Variants in LRRTM2 observed in about 807,000 individuals in gnomAD.
LRRTM2 encodes leucine rich repeat transmembrane neuronal 2.
Under a neutral mutation model 40.7 loss-of-function variants are expected in LRRTM2, and 14 were observed. That is an observed-to-expected ratio of 0.34 (90% confidence interval 0.23 to 0.54). The LOEUF (loss-of-function observed/expected upper bound fraction) is 0.54, where lower values mean the gene tolerates loss of function less well. Among genes scored for constraint, LRRTM2 ranks in the 20% least tolerant of loss-of-function variants. The pLI is 0.92. For synonymous variants in LRRTM2, 223 were observed against 237.6 expected, an observed-to-expected ratio of 0.94 and a Z score of 0.57; for missense variants, 468 against 624.4, an observed-to-expected ratio of 0.75 and a Z score of 2.67.
Position 138,872,927 on chromosome 5 carries a change from T to C in LRRTM2, c.*83A>G. On this transcript the variant is annotated 3_prime_UTR_variant, in exon 2 of 2. Transcript: ENST00000274711. ...TGGAAAATTAGGCTTAATGTCACCA[T>C]TGGTAAAAATTAGATATGTATTTAG... 1 of 964,086 alleles carries C rather than the reference T, an allele frequency of 1.0e-6. No individual in the cohort carries two copies. Among genetic ancestry groups the C allele is most frequent in the East Asian group, 2.5e-5 (1 of 39,374 alleles). 59.7% of individuals were successfully genotyped at this position (964,086 alleles called of 1,614,324 possible).
rs776084879 is a variant in LRRTM2, at chr5:138,872,700, T to C, written c.*310A>G. 1 of 204,614 alleles carries C rather than the reference T, an allele frequency of 4.9e-6. No homozygotes were observed. The highest frequency in any genetic ancestry group is 9.8e-6 in the Non-Finnish European group (1 of 101,848). The allele number at this position is 204,614 out of a possible 1,614,324, so 12.7% of individuals were successfully genotyped here. ...CTAAATTGTTTTCAGTAGAAAAAAATAGTATATGGAGACCTTAGTGTAAAG... is the reference window on the plus strand; with the variant it reads ...CTAAATTGTTTTCAGTAGAAAAAAACAGTATATGGAGACCTTAGTGTAAAG... On this transcript the variant is annotated 3_prime_UTR_variant, in exon 2 of 2. Transcript: ENST00000274711.
Position 138,872,252 on chromosome 5 carries a change from T to C in LRRTM2, c.*758A>G, listed in dbSNP as rs938616167. The C allele has an allele frequency of 6.6e-6, 1 of 152,666 alleles. No individual in the cohort carries two copies. Among genetic ancestry groups the C allele is most frequent in the African/African-American group, 2.4e-5 (1 of 41,458 alleles). The allele number at this position is 152,666 out of a possible 1,614,324, so 9.5% of individuals were successfully genotyped here. ...AGTTGTCTAAATGCCACAAAAATCA[T>C]GTCCATTATAAGTCAAACGAGAAAT... is the stretch of plus-strand genomic sequence containing the variant. On this transcript the variant is annotated 3_prime_UTR_variant, in exon 2 of 2. Coordinates refer to ENST00000274711, the MANE Select transcript of LRRTM2 (RefSeq NM_015564.3).
In LRRTM2 at chr5:138,871,727, A is replaced by G. The variant is rs1750646312; in HGVS notation, c.*1283T>C. 6.6e-6 allele frequency: 1 copy of G among 152,088 alleles called. No individual in the cohort carries two copies. The highest frequency in any genetic ancestry group is 2.4e-5 in the African/African-American group (1 of 41,418). 9.4% of individuals were successfully genotyped at this position (152,088 alleles called of 1,614,324 possible). On this transcript the variant is annotated 3_prime_UTR_variant, in exon 2 of 2. Transcript: ENST00000274711. ...ACTGTGTGGCTGCATAGGCATGTCGAGTTGTTCTGCCATGAGATTCATCTC... is the reference window on the plus strand; with the variant it reads ...ACTGTGTGGCTGCATAGGCATGTCGGGTTGTTCTGCCATGAGATTCATCTC...
rs1765181237 is a variant in LRRTM2 at position 138,869,930 on chromosome 5, A to G, written c.*3080T>C. ...ACAAGTTTATCAGCCCACTCTTTTC[A>G]GAAAGGTGATTGAAATCCCTGTCAT... On this transcript the variant is annotated 3_prime_UTR_variant, in exon 2 of 2. Coordinates refer to ENST00000274711, the MANE Select transcript of LRRTM2 (RefSeq NM_015564.3). 1.3e-5 allele frequency: 2 copies of G among 152,660 alleles called. No homozygotes were observed. Among genetic ancestry groups the G allele is most frequent in the African/African-American group, 4.8e-5 (2 of 41,452 alleles). The allele number at this position is 152,660 out of a possible 1,614,324, so 9.5% of individuals were successfully genotyped here.
chr5:138,874,415 G>A lies in LRRTM2; in HGVS notation c.146C>T (p.Ser49Phe). The change falls in exon 2 of 2, where the codon TCT (serine) becomes TTT (phenylalanine). Residue 49 changes from serine to phenylalanine, a missense_variant. Ser to Phe is a radical substitution (Grantham distance 155). Coordinates refer to ENST00000274711, the MANE Select transcript of LRRTM2 (RefSeq NM_015564.3). This position sits in a 1 kb window ranked among gnomAD's most constrained non-coding sequence, Gnocchi z 4.1. ...GTTTGGCACTGAGTGGAAGCCCTGA[G>A]AGTCGCAGTAGAAGAGCAGCTTCTC... ...RCEKLLFYCD[S>F]QGFHSVPNAT... 1 of 1,613,990 alleles carries A rather than the reference G, an allele frequency of 6.2e-7. No individual in the cohort carries two copies. Among genetic ancestry groups the A allele is most frequent in the Non-Finnish European group, 8.5e-7 (1 of 1,179,890 alleles).
At position 138,872,270 on chromosome 5, in the gene LRRTM2, C is replaced by T. The variant is rs1169110251; in HGVS notation, c.*740G>A. 1.3e-5 allele frequency: 2 copies of T among 152,414 alleles called. No individual in the cohort carries two copies. Among genetic ancestry groups the T allele is most frequent in the Non-Finnish European group, 2.9e-5 (2 of 67,998 alleles). 9.4% of individuals were successfully genotyped at this position (152,414 alleles called of 1,614,324 possible). ...AAAATCATGTCCATTATAAGTCAAA[C>T]GAGAAATGTATAAGAAGTTGGTGTA... On this transcript the variant is annotated 3_prime_UTR_variant, in exon 2 of 2. Coordinates refer to ENST00000274711, the MANE Select transcript of LRRTM2 (RefSeq NM_015564.3).
chr5:138,874,371 G>T lies in LRRTM2; in HGVS notation c.190C>A (p.Leu64Met). Residue 64 changes from leucine (L) to methionine (M), a missense_variant, in exon 2 of 2, where the codon CTG (leucine) becomes ATG (methionine). Coordinates refer to ENST00000274711, the MANE Select transcript of LRRTM2 (RefSeq NM_015564.3). This position sits in a 1 kb window ranked among gnomAD's most constrained non-coding sequence, Gnocchi z 4.1. Reference sequence around the variant, plus strand: ...TGATTGTGCCTCAGGGACAGGCCCAGAGAGCCCTTGTCTGTGGCGTTTGGC... The same window carrying T: ...TGATTGTGCCTCAGGGACAGGCCCATAGAGCCCTTGTCTGTGGCGTTTGGC... ...SVPNATDKGS[L>M]GLSLRHNHIT... 6.2e-7 allele frequency: 1 copy of T among 1,614,012 alleles called. No homozygotes were observed. The highest frequency in any genetic ancestry group is 8.5e-7 in the Non-Finnish European group (1 of 1,179,890).
rs1750835677 is a variant in LRRTM2 at position 138,873,069 on chromosome 5, T to C, written c.1492A>G (p.Ile498Val). ...EPTHEGPFII[I>V]NGYGQCKCQQ... ...CACTTGCACTGTCCATAACCATTAA[T>C]GATGATGAAGGGTCCTTCATGGGTG... Residue 498 changes from isoleucine to valine, a missense_variant, in exon 2 of 2, where the codon ATT (isoleucine) becomes GTT (valine). By Grantham distance (29) the Ile-to-Val change is conservative. Coordinates refer to ENST00000274711, the MANE Select transcript of LRRTM2 (RefSeq NM_015564.3). This position sits in a 1 kb window ranked among gnomAD's most constrained non-coding sequence, Gnocchi z 6.1. The C allele has an allele frequency of 1.2e-6, 2 of 1,613,918 alleles. No homozygotes were observed. The highest frequency in any genetic ancestry group is 4.5e-5 in the East Asian group (2 of 44,884).
Position 138,869,089 on chromosome 5 carries a change from G to A in LRRTM2, c.*3921C>T, listed in dbSNP as rs1765085331. The stretch of plus-strand genomic sequence containing the variant: ...AGAAAAATGGCTCTTGAAGGTGATT[G>A]AACACAATGTATTTGGACTGTACTT... On this transcript the variant is annotated 3_prime_UTR_variant, in exon 2 of 2. Coordinates refer to ENST00000274711, the MANE Select transcript of LRRTM2 (RefSeq NM_015564.3). The A allele has an allele frequency of 7.1e-6, 1 of 141,276 alleles. No homozygotes were observed. The highest frequency in any genetic ancestry group is 1.5e-5 in the Non-Finnish European group (1 of 66,170). The allele number at this position is 141,276 out of a possible 1,614,324, so 8.8% of individuals were successfully genotyped here.
In LRRTM2 at chr5:138,874,797, CA is replaced by C. The variant is rs369952622; in HGVS notation, c.4+110del. 488 of 1,145,430 alleles carry C rather than the reference CA, an allele frequency of 4.3e-4. No individual in the cohort carries two copies. In the African/African-American group the frequency reaches 6.9e-3, roughly 16 times the overall value. The allele number at this position is 1,145,430 out of a possible 1,614,324, so 71.0% of individuals were successfully genotyped here. A position where few individuals can be genotyped will look rare whatever the true frequency, so the allele number is the denominator to read the frequency against. On this transcript the variant is annotated intron_variant, in intron 1 of 1. Coordinates refer to ENST00000274711, the MANE Select transcript of LRRTM2 (RefSeq NM_015564.3). The surrounding 1 kb of genome is among the most constrained non-coding windows in gnomAD (Gnocchi z 4.1). ...TCGATATATGCTTTTACCTAAACCT[CA>C]AAATCCAAAATATGATGGTGATTTC...
At position 138,869,137 on chromosome 5, in the gene LRRTM2, A is replaced by G. The variant is rs373389501; in HGVS notation, c.*3873T>C. 1 of 151,038 alleles carries G rather than the reference A, an allele frequency of 6.6e-6. No homozygotes were observed. The highest frequency in any genetic ancestry group is 1.9e-4 in the East Asian group (1 of 5,132). The allele number at this position is 151,038 out of a possible 1,614,324, so 9.4% of individuals were successfully genotyped here. A position where few individuals can be genotyped will look rare whatever the true frequency, so the allele number is the denominator to read the frequency against. On this transcript the variant is annotated 3_prime_UTR_variant, in exon 2 of 2. Coordinates refer to ENST00000274711, the MANE Select transcript of LRRTM2 (RefSeq NM_015564.3). ...CTTTGAGTTTCCAGTCTCAGTGTTG[A>G]TAGGAAGGTTCACCAAACATTCCAT...
chr5:138,871,668 T>A lies in LRRTM2; in HGVS notation c.*1342A>T, dbSNP rs1006374899. 4 of 152,244 alleles carry A rather than the reference T, an allele frequency of 2.6e-5. No homozygotes were observed. The highest frequency in any genetic ancestry group is 9.6e-5 in the African/African-American group (4 of 41,464). The allele number at this position is 152,244 out of a possible 1,614,324, so 9.4% of individuals were successfully genotyped here. ...AGATTTCAAAATCTGCCTTTCCTTT[T>A]AATCCCTCACCTCTGTGCTGCCTTC... On this transcript the variant is annotated 3_prime_UTR_variant, in exon 2 of 2. Coordinates refer to ENST00000274711, the MANE Select transcript of LRRTM2 (RefSeq NM_015564.3).
At position 138,872,562 on chromosome 5, in the gene LRRTM2, A is replaced by G. The variant is rs1415925336; in HGVS notation, c.*448T>C. ...TGAGTAAATACCAAATTATCATACA[A>G]GAGAACTTTACTAAGTCTCCTTTTA... is the stretch of plus-strand genomic sequence containing the variant. On this transcript the variant is annotated 3_prime_UTR_variant, in exon 2 of 2. Transcript: ENST00000274711. 3 of 153,224 alleles carry G rather than the reference A, an allele frequency of 2.0e-5. No individual in the cohort carries two copies. Among genetic ancestry groups the G allele is most frequent in the Non-Finnish European group, 4.4e-5 (3 of 68,664 alleles). The allele number at this position is 153,224 out of a possible 1,614,324, so 9.5% of individuals were successfully genotyped here.
rs1581359296 is a variant in LRRTM2 at position 138,869,318 on chromosome 5, C to G, written c.*3692G>C. The G allele has an allele frequency of 2.0e-5, 3 of 151,488 alleles. No individual in the cohort carries two copies. The highest frequency in any genetic ancestry group is 6.6e-5 in the Admixed American group (1 of 15,228). The allele number at this position is 151,488 out of a possible 1,614,324, so 9.4% of individuals were successfully genotyped here. On this transcript the variant is annotated 3_prime_UTR_variant, in exon 2 of 2. Coordinates refer to ENST00000274711, the MANE Select transcript of LRRTM2 (RefSeq NM_015564.3). ...CTTATTCAAGTACTATGAGTTTGCC[C>G]CAGGTTAGATAGAGAAATATTTAAT...
chr5:138,873,242 A>T lies in LRRTM2; in HGVS notation c.1319T>A (p.Ile440Lys). The change falls in exon 2 of 2, where the codon ATA becomes AAA. Residue 440 changes from isoleucine (I) to lysine (K), a missense_variant. Physicochemically the swap from Ile to Lys is moderately radical, Grantham distance 102 (BLOSUM62 -3). Coordinates refer to ENST00000274711, the MANE Select transcript of LRRTM2 (RefSeq NM_015564.3). This position sits in a 1 kb window ranked among gnomAD's most constrained non-coding sequence, Gnocchi z 6.1. Reference sequence around the variant, plus strand: ...GCAGCACTTCCTGGAGATGAACACTATAAAAATAATAAAAAAGAAAGAAAA... The same window carrying T: ...GCAGCACTTCCTGGAGATGAACACTTTAAAAATAATAAAAAAGAAAGAAAA... ...LLFSFFFIIFIVFISRKCCPP... is the reference protein window; with the variant it reads ...LLFSFFFIIFKVFISRKCCPP... 6.2e-7 allele frequency: 1 copy of T among 1,613,712 alleles called. No individual in the cohort carries two copies. Among genetic ancestry groups the T allele is most frequent in the Non-Finnish European group, 8.5e-7 (1 of 1,179,680 alleles).
rs766251073 is a variant in LRRTM2 at position 138,873,541 on chromosome 5, G to A, written c.1020C>T (p.His340=). ...QGRWEHSILC[H]SPDHTQGEDI... ...CCTCTCCTTGGGTGTGGTCAGGACT[G>A]TGGCATAGGATGGAGTGTTCCCACC... The change falls in exon 2 of 2, where the codon CAC becomes CAT. Residue 340 remains histidine, a synonymous_variant. Transcript: ENST00000274711. This position sits in a 1 kb window ranked among gnomAD's most constrained non-coding sequence, Gnocchi z 6.1. 6.2e-7 allele frequency: 1 copy of A among 1,614,020 alleles called. No homozygotes were observed. The highest frequency in any genetic ancestry group is 1.1e-5 in the South Asian group (1 of 91,078).
In LRRTM2 at chr5:138,874,482, G is replaced by A; in HGVS notation, c.79C>T (p.Leu27=). 1.2e-6 allele frequency: 2 copies of A among 1,612,024 alleles called. No individual in the cohort carries two copies. The highest frequency in any genetic ancestry group is 1.7e-5 in the Admixed American group (1 of 59,680). The change falls in exon 2 of 2, where the codon CTG becomes TTG. Residue 27 remains leucine (L), a synonymous_variant. Coordinates refer to ENST00000274711, the MANE Select transcript of LRRTM2 (RefSeq NM_015564.3). The surrounding 1 kb of genome is among the most constrained non-coding windows in gnomAD (Gnocchi z 4.1). Reference sequence around the variant, plus strand: ...GGACACGCCATACCCAGGGCAGGCAGCATTTTTAAAACCATACTCATTGCA... The same window carrying A: ...GGACACGCCATACCCAGGGCAGGCAACATTTTTAAAACCATACTCATTGCA... ...IYAMSMVLKM[L]PALGMACPPK... is the part of the protein sequence containing the mutation.
rs907120946 is a variant in LRRTM2 at position 138,874,489 on chromosome 5, T to A, written c.72A>T (p.Leu24Phe). The change falls in exon 2 of 2, where the codon TTA (leucine) becomes TTT (phenylalanine). Residue 24 changes from leucine (L) to phenylalanine (F), a missense_variant. Leu to Phe is a conservative substitution (Grantham distance 22, BLOSUM62 0). Coordinates refer to ENST00000274711, the MANE Select transcript of LRRTM2 (RefSeq NM_015564.3). This position sits in a 1 kb window ranked among gnomAD's most constrained non-coding sequence, Gnocchi z 4.1. ...CCATACCCAGGGCAGGCAGCATTTT[T>A]AAAACCATACTCATTGCATATATTG... The part of the protein sequence containing the change: ...LAAIYAMSMV[L>F]KMLPALGMAC... 1.9e-6 allele frequency: 3 copies of A among 1,611,444 alleles called. No individual in the cohort carries two copies. The highest frequency in any genetic ancestry group is 2.5e-6 in the Non-Finnish European group (3 of 1,178,690).
rs2149924806 is a variant in LRRTM2 at position 138,872,114 on chromosome 5, A to G, written c.*896T>C. ...CATGTCAGGATTGTTAAATTGACTC[A>G]GTTTGTCTTGTTTATCTCCAAAATA... On this transcript the variant is annotated 3_prime_UTR_variant, in exon 2 of 2. Coordinates refer to ENST00000274711, the MANE Select transcript of LRRTM2 (RefSeq NM_015564.3). 1 of 151,056 alleles carries G rather than the reference A, an allele frequency of 6.6e-6. No homozygotes were observed. Among genetic ancestry groups the G allele is most frequent in the African/African-American group, 2.4e-5 (1 of 41,128 alleles). The allele number at this position is 151,056 out of a possible 1,614,324, so 9.4% of individuals were successfully genotyped here. A position where few individuals can be genotyped will look rare whatever the true frequency, so the allele number is the denominator to read the frequency against.
Sources: gnomAD v4.1 joint callset for allele counts on GRCh38, gnomAD v4.1.1 for gene constraint, Gnocchi (gnomAD v3.1) non-coding constraint, MANE v1.5 for transcripts, NCBI Gene and HGNC (gene_info 2026-07-23, HGNC 2026-07-21) for gene names.